C6: variants seen among roughly 807,000 people sequenced by gnomAD.
C6 encodes complement C6.
Under a neutral mutation model 112.9 loss-of-function variants are expected in C6, and 101 were observed. The observed-to-expected ratio is 0.89, with a 90% CI of 0.76 to 1.06. C6 has a LOEUF of 1.06. Among genes scored for constraint, C6 ranks in the 50% least tolerant of loss-of-function variants. The pLI, the probability that C6 is intolerant of heterozygous loss-of-function variation, is 0.00. For synonymous variants in C6, 431 were observed against 384.1 expected, an observed-to-expected ratio of 1.12 and a Z score of -1.43; for missense variants, 1,202 against 1,104.6, an observed-to-expected ratio of 1.09 and a Z score of -1.25.
intron 17 of C6, 34 bp downstream of exon 17, chr5:41,149,207 G>C: frequency 1.2e-6 from 2 of 1,612,620 alleles, no homozygotes; most frequent in Non-Finnish European, 1.7e-6. Context: ...AAGGTTAAGT[G>C]AGAGCATTTA....
At chr5:41,234,364 G>GTTTT (rs70988840) in intron 1 of C6, among the ~76,000 whole-genome samples, 9 of 123,018 alleles carry the variant, frequency 7.3e-5, no homozygotes, top group African/African-American at 2.3e-4. Context: ...TTTGTTTTTT[G>GTTTT]TTTTTTTTTT....
chr5:41,192,169 T>G (rs1313206978), intron 5 of C6, among the ~76,000 whole-genome samples: 1 of 152,206 alleles, frequency 6.6e-6, no homozygotes, highest in South Asian at 2.1e-4. Context: ...ATATGTTTTG[T>G]TCTCTCTGTT....
At chr5:41,250,258 G>A (rs1741266734) in intron 1 of C6, among the ~76,000 whole-genome samples, 1 of 152,144 alleles carries the variant, frequency 6.6e-6, no homozygotes, top group Non-Finnish European at 1.5e-5. Flanking sequence ...CCCAATAGTG[G>A]CACCAAACTC....
At chr5:41,253,598 G>C (rs1349579957) in intron 1 of C6, among the ~76,000 whole-genome samples, 2 of 152,070 alleles carry the variant, frequency 1.3e-5, no homozygotes, top group Non-Finnish European at 2.9e-5. Flanking sequence ...TCTCTCCCAG[G>C]AATCACTGCT....
intron 7 of C6, 143 bp from the exon 8 acceptor site, chr5:41,176,858 G>C (rs979177968): frequency 8.5e-6 from 7 of 818,768 alleles, no homozygotes; most frequent in Non-Finnish European, 1.1e-5. Flanking sequence ...ATGTTCTCAC[G>C]TACAAAATTA....
chr5:41,156,774 T>C (rs992473953), intron 13 of C6, among the ~76,000 whole-genome samples: 2 of 152,230 alleles, frequency 1.3e-5, no homozygotes, highest in African/African-American at 4.8e-5. Flanking sequence ...TTGGATGTTT[T>C]CTTCAAAGGC....
intron 9 of C6, among the ~76,000 whole-genome samples, chr5:41,166,834 A>G (rs1431858880): frequency 6.6e-6 from 1 of 152,126 alleles, no homozygotes; most frequent in Non-Finnish European, 1.5e-5. Context: ...TGAAATTACA[A>G]TTTCAAGATT....
rs35341613 is a variant in C6, at chr5:41,163,310, CTTT to C, written c.1292-1454_1292-1452del. ...TGTAATATATGTATTTATCAATGAA[CTTT>C]TTTTTTTTTTTTTTTTGAGATAGAG... is the stretch of plus-strand genomic sequence containing the variant. On this transcript the variant is annotated intron_variant, in intron 9 of 17. Coordinates refer to ENST00000337836, the MANE Select transcript of C6 (RefSeq NM_000065.5). Among the ~76,000 whole-genome samples the C allele has an allele frequency of 2.5e-3, 340 of 134,532 alleles. 5 individuals carry two copies. The East Asian group carries it at 0.041, about 16-fold the overall frequency. The allele number at this position is 134,532 out of a possible 152,430, so 88.3% of individuals were successfully genotyped here. A position where few individuals can be genotyped will look rare whatever the true frequency, so the allele number is the denominator to read the frequency against.
intron 17 of C6, among the ~76,000 whole-genome samples, chr5:41,144,294 G>T (rs114749030): frequency 2.6e-5 from 4 of 151,886 alleles, no homozygotes; most frequent in African/African-American, 9.7e-5. Context: ...TTGAGACAGG[G>T]TCTTACTGTG....
intron 1 of C6, among the ~76,000 whole-genome samples, chr5:41,210,331 C>G (rs1216005724): frequency 6.6e-6 from 1 of 152,084 alleles, no homozygotes; most frequent in Non-Finnish European, 1.5e-5. Flanking sequence ...ACTAAAACAC[C>G]AAAAGCAATG....
intron 17 of C6, among the ~76,000 whole-genome samples, chr5:41,145,565 G>A (rs1396723073): frequency 1.3e-5 from 2 of 152,200 alleles, no homozygotes; most frequent in South Asian, 2.1e-4. Flanking sequence ...GGCAGACATC[G>A]ATTCTTTCCC....
At chr5:41,193,011 T>C (rs2150348864) in intron 5 of C6, among the ~76,000 whole-genome samples, 1 of 152,302 alleles carries the variant, frequency 6.6e-6, no homozygotes, top group East Asian at 1.9e-4. Flanking sequence ...AATTAGACAC[T>C]TTCAATGGAT....
intron 1 of C6, among the ~76,000 whole-genome samples, chr5:41,234,136 T>C (rs1360015829): frequency 6.6e-6 from 1 of 152,016 alleles, no homozygotes; most frequent in Non-Finnish European, 1.5e-5. Context: ...CCCACAGGGG[T>C]CATTCTTTCC....
chr5:41,253,018 T>A (rs77304817), intron 1 of C6, among the ~76,000 whole-genome samples: 5,405 of 152,324 alleles, frequency 0.035, 319 homozygotes, highest in African/African-American at 0.12. Flanking sequence ...GGCCATGGTC[T>A]GTCATATTTG....
chr5:41,238,814 T>C (rs989066688), intron 1 of C6, among the ~76,000 whole-genome samples: 2 of 152,314 alleles, frequency 1.3e-5, no homozygotes, highest in East Asian at 3.9e-4. Context: ...TAAAAATGTA[T>C]TAAAATTATT....
At chr5:41,245,437 G>T (rs1045893290) in intron 1 of C6, among the ~76,000 whole-genome samples, 9 of 152,000 alleles carry the variant, frequency 5.9e-5, no homozygotes, top group Admixed American at 5.9e-4. Context: ...CAGGAGAATC[G>T]CTTGAACTCA....
At chr5:41,229,099 A>G (rs191108622) in intron 1 of C6, among the ~76,000 whole-genome samples, 1 of 152,282 alleles carries the variant, frequency 6.6e-6, no homozygotes, top group African/African-American at 2.4e-5. Context: ...TGGGCGACAG[A>G]GCACGACTCC....
chr5:41,214,404 C>T (rs935010194), upstream of C6, among the ~76,000 whole-genome samples: 1 of 152,254 alleles, frequency 6.6e-6, no homozygotes, highest in South Asian at 2.1e-4. Context: ...TGGGAACCCA[C>T]CACTCAAAGG....
chr5:41,194,759 T>G (rs368103310), intron 5 of C6, among the ~76,000 whole-genome samples: 1 of 152,218 alleles, frequency 6.6e-6, no homozygotes, highest in Non-Finnish European at 1.5e-5. Context: ...TCAGTTTTTC[T>G]GTTTTCATAG....
Sources: gnomAD v4.1 joint callset for allele counts (sites outside exome capture counted in the v4.1 genomes callset) on GRCh38, gnomAD v4.1.1 for gene constraint, MANE v1.5 for transcripts, NCBI Gene and HGNC (gene_info 2026-07-23, HGNC 2026-07-21) for gene names.